PKD1L3: variants seen among roughly 807,000 people sequenced by gnomAD.
PKD1L3 encodes the protein polycystin-1-like protein 3.
Under a neutral mutation model 184.1 loss-of-function variants are expected in PKD1L3, and 239 were observed. The observed-to-expected ratio is 1.30, with a 90% CI of 1.17 to 1.45. PKD1L3 has a LOEUF of 1.45. Ranked by LOEUF, PKD1L3 falls within the 40% of genes most tolerant of loss-of-function variation. The pLI is 0.00. For synonymous variants in PKD1L3, 996 were observed against 778.8 expected (o/e 1.28, Z -4.64); for missense variants, 2,660 against 2,067.2 (o/e 1.29, Z -5.56).
In PKD1L3 at chr16:71,963,310, C is replaced by T; in HGVS notation, c.2507G>A (p.Arg836Lys). Reference sequence around the variant, plus strand: ...GCAATTGCACAGGAAATGCCACTTCCTCTTAACTGCCATGTCACAGACAAT... The same window carrying T: ...GCAATTGCACAGGAAATGCCACTTCTTCTTAACTGCCATGTCACAGACAAT... ...QVIVCDMAVK[R>K]KWHFLCNCWL... The change falls in exon 16 of 30, where the codon AGG becomes AAG. Residue 836 changes from arginine to lysine, a missense_variant. Physicochemically the swap from Arg to Lys is conservative, Grantham distance 26. Transcript: ENST00000620267. 6.4e-7 allele frequency: 1 copy of T among 1,551,388 alleles called. No homozygotes were observed. Among genetic ancestry groups the T allele is most frequent in the Admixed American group, 2.0e-5 (1 of 50,922 alleles).
At chr16:71,959,493 T>A (rs2039187451) in intron 16 of PKD1L3, among the ~76,000 whole-genome samples, 1 of 152,198 alleles carries the variant, frequency 6.6e-6, no homozygotes, top group African/African-American at 2.4e-5. Context: ...ATTAATTATT[T>A]AATTAACTGT....
At chr16:71,992,268 C>T (rs1446254082) in intron 3 of PKD1L3, among the ~76,000 whole-genome samples, 1 of 152,162 alleles carries the variant, frequency 6.6e-6, no homozygotes, top group African/African-American at 2.4e-5. Flanking sequence ...CTACATTTTT[C>T]CCAATGAGGA....
At position 71,993,201 on chromosome 16, in the gene PKD1L3, G is replaced by C; in HGVS notation, c.535+15C>G. The stretch of plus-strand genomic sequence containing the variant: ...TCCACGGATTTTTAAGGTTACTAGA[G>C]GAGTAACGCATTACCTGGGGGCATT... On this transcript the variant is annotated intron_variant, in intron 3 of 29. Coordinates refer to ENST00000620267, the MANE Select transcript of PKD1L3 (RefSeq NM_181536.2). 6.7e-7 allele frequency: 1 copy of C among 1,486,576 alleles called. No individual in the cohort carries two copies. 92.1% of individuals were successfully genotyped at this position (1,486,576 alleles called of 1,614,324 possible).
At chr16:71,987,419 G>T (rs559385924) in intron 4 of PKD1L3, among the ~76,000 whole-genome samples, 2 of 152,128 alleles carry the variant, frequency 1.3e-5, no homozygotes, top group African/African-American at 4.8e-5. Context: ...TGTTACCCAG[G>T]CTGGAGTGCA....
intron 2 of PKD1L3, among the ~76,000 whole-genome samples, chr16:71,994,942 C>G (rs1476311453): frequency 6.6e-6 from 1 of 152,074 alleles, no homozygotes; most frequent in Non-Finnish European, 1.5e-5. Context: ...GAGCCAAGAT[C>G]ACGCCATTAC....
At chr16:71,982,277 G>C in intron 6 of PKD1L3, 42 bp from the exon 7 acceptor site, 2 of 690,264 alleles carry the variant, frequency 2.9e-6, no homozygotes, top group Admixed American at 5.4e-5. Flanking sequence ...TGAATTGTTT[G>C]CTTTTTTTTT....
At position 71,942,871 on chromosome 16, in the gene PKD1L3, A is replaced by G. The variant is rs2038410399; in HGVS notation, c.4013T>C (p.Ile1338Thr). Residue 1338 changes from isoleucine to threonine, a missense_variant, in exon 24 of 30, where the codon ATC becomes ACC. Transcript: ENST00000620267. ...LQDFYPWANH[I>T]LLPSLYGDYR... is the part of the protein sequence containing the mutation. ...ATCCCCATACAGGCTAGGAAGAAGGATATGATTGGCCCAGGGGTAGAAATC... is the reference window on the plus strand; with the variant it reads ...ATCCCCATACAGGCTAGGAAGAAGGGTATGATTGGCCCAGGGGTAGAAATC... The G allele has an allele frequency of 1.9e-6, 3 of 1,551,548 alleles. No homozygotes were observed. Among genetic ancestry groups the G allele is most frequent in the Admixed American group, 3.9e-5 (2 of 50,980 alleles).
At chr16:71,991,699 T>C (rs372866057) in intron 3 of PKD1L3, among the ~76,000 whole-genome samples, 1 of 152,168 alleles carries the variant, frequency 6.6e-6, no homozygotes. Flanking sequence ...ACAAATGAAA[T>C]AGAAGTGATA....
At chr16:71,984,538 C>G (rs1047549113) in intron 5 of PKD1L3, among the ~76,000 whole-genome samples, 2 of 152,144 alleles carry the variant, frequency 1.3e-5, no homozygotes, top group Admixed American at 1.3e-4. Context: ...TCAGGCTTCC[C>G]TGTGTGTGTG....
At chr16:71,961,068 T>C (rs1208016136) in intron 16 of PKD1L3, among the ~76,000 whole-genome samples, 2 of 149,618 alleles carry the variant, frequency 1.3e-5, no homozygotes, top group Non-Finnish European at 3.0e-5. Flanking sequence ...CAGGATCTCA[T>C]TTTTTTTTTC....
At chr16:71,967,816 T>G in intron 14 of PKD1L3, 90 bp downstream of exon 14, 2 of 1,043,786 alleles carry the variant, frequency 1.9e-6, no homozygotes, top group South Asian at 3.0e-5. Flanking sequence ...TCTTTTAAAG[T>G]GCTATTGGTT....
intron 16 of PKD1L3, among the ~76,000 whole-genome samples, chr16:71,961,095 G>C (rs1177796690): frequency 5.3e-5 from 8 of 151,774 alleles, no homozygotes; most frequent in Non-Finnish European, 1.0e-4. Flanking sequence ...CTTGCTGAGA[G>C]TCCATGATTT....
chr16:71,954,318 G>T lies in PKD1L3; in HGVS notation c.2613-17C>A. On this transcript the variant is annotated splice_polypyrimidine_tract_variant and intron_variant, in intron 16 of 29. Coordinates refer to ENST00000620267, the MANE Select transcript of PKD1L3 (RefSeq NM_181536.2). ...AACAGATGTCTGAAAAGAGAAATCA[G>T]AAGAGGAAATACATGAGATTTTATT... 3 of 1,501,466 alleles carry T rather than the reference G, an allele frequency of 2.0e-6. No individual in the cohort carries two copies. The highest frequency in any genetic ancestry group is 2.7e-6 in the Non-Finnish European group (3 of 1,116,868). The allele number at this position is 1,501,466 out of a possible 1,614,324, so 93.0% of individuals were successfully genotyped here.
chr16:71,988,979 C>T (rs1446944824), intron 4 of PKD1L3, among the ~76,000 whole-genome samples: 1 of 152,174 alleles, frequency 6.6e-6, no homozygotes, highest in African/African-American at 2.4e-5. Context: ...AGAATTTTAC[C>T]TTGTTTTTAA....
intron 9 of PKD1L3, among the ~76,000 whole-genome samples, chr16:71,979,002 T>G (rs1408745897): frequency 6.6e-6 from 1 of 152,218 alleles, no homozygotes; most frequent in Non-Finnish European, 1.5e-5. Flanking sequence ...GGATTCTATT[T>G]TACTAGGAAG....
At chr16:71,967,760 C>T (rs767228138) in intron 14 of PKD1L3, 146 bp downstream of exon 14, 33 of 695,612 alleles carry the variant, frequency 4.7e-5, no homozygotes, top group African/African-American at 9.0e-5. Flanking sequence ...CCCCCATGTG[C>T]GGCCCACATG....
intron 22 of PKD1L3, among the ~76,000 whole-genome samples, chr16:71,945,882 G>A (rs1417439974): frequency 6.6e-6 from 1 of 152,014 alleles, no homozygotes; most frequent in Non-Finnish European, 1.5e-5. Flanking sequence ...GTGATGATAA[G>A]GGGAAAAAAG....
chr16:71,960,721 C>G (rs1005574782), intron 16 of PKD1L3, among the ~76,000 whole-genome samples: 14 of 152,180 alleles, frequency 9.2e-5, no homozygotes, highest in African/African-American at 2.9e-4. Flanking sequence ...ATTTCTGCAA[C>G]AAAAATGAGT....
Position 71,933,930 on chromosome 16 carries a change from T to C in PKD1L3, c.4809A>G (p.Thr1603=). ...GFLLIILILL[T]GYAIAFNLLF... is the part of the protein sequence containing the mutation. The stretch of plus-strand genomic sequence containing the variant: ...GGGGGCTTACGGCAATGGCATAGCC[T>C]GTCAGCAGGATTAGGATGATCAGCA... Residue 1603 remains threonine, a synonymous_variant, in exon 27 of 30, where the codon ACA becomes ACG. Transcript: ENST00000620267. 1.9e-6 allele frequency: 3 copies of C among 1,551,256 alleles called. No individual in the cohort carries two copies. Among genetic ancestry groups the C allele is most frequent in the Non-Finnish European group, 2.6e-6 (3 of 1,146,808 alleles).
Sources: gnomAD v4.1 joint callset for allele counts (sites outside exome capture counted in the v4.1 genomes callset) on GRCh38, gnomAD v4.1.1 for gene constraint, MANE v1.5 for transcripts, NCBI Gene and HGNC (gene_info 2026-07-23, HGNC 2026-07-21) for gene names.